CACNA2D1: variants seen among roughly 807,000 people sequenced by gnomAD.
CACNA2D1 encodes the protein calcium voltage-gated channel auxiliary subunit alpha2delta 1.
CACNA2D1 carries 53 observed loss-of-function variants against 171.5 expected under a neutral mutation model. The ratio of observed to expected loss-of-function variants is 0.31; its 90% confidence interval spans 0.25 to 0.39. The LOEUF (loss-of-function observed/expected upper bound fraction) is 0.39. Ranked by LOEUF, CACNA2D1 falls within the 10% of genes least tolerant of loss-of-function variation. CACNA2D1 has a pLI of 1.00. For missense variants in CACNA2D1, 903 were observed against 1,299.8 expected, an observed-to-expected ratio of 0.69 and a Z score of 4.69; for synonymous variants, 442 against 443.1, an observed-to-expected ratio of 1.00 and a Z score of 0.03.
chr7:82,431,406 T>C (rs1390183230), intron 1 of CACNA2D1, among the ~76,000 whole-genome samples: 1 of 152,120 alleles, frequency 6.6e-6, no homozygotes, highest in Non-Finnish European at 1.5e-5. Context: ...CACGATAACA[T>C]TGGATGCAGG....
chr7:82,351,312 T>C (rs1204582744), intron 1 of CACNA2D1, among the ~76,000 whole-genome samples: 1 of 151,352 alleles, frequency 6.6e-6, no homozygotes, highest in African/African-American at 2.4e-5. Context: ...AATTTAAATA[T>C]AACAAAATAT....
chr7:82,069,420 T>A (rs549478626), intron 7 of CACNA2D1, among the ~76,000 whole-genome samples: 1 of 152,192 alleles, frequency 6.6e-6, no homozygotes, highest in African/African-American at 2.4e-5. Flanking sequence ...TGTAGACGTC[T>A]CTTTTTTGAA....
At chr7:82,093,668 T>TC (rs1319398093) in intron 6 of CACNA2D1, among the ~76,000 whole-genome samples, 1 of 152,154 alleles carries the variant, frequency 6.6e-6, no homozygotes, top group African/African-American at 2.4e-5. Context: ...AATGGCATAT[T>TC]CCAAGTGTTC....
At chr7:82,291,496 TTATATATAGATAGATC>T (rs1252936086) in intron 3 of CACNA2D1, among the ~76,000 whole-genome samples, 25 of 136,904 alleles carry the variant, frequency 1.8e-4, no homozygotes, top group Admixed American at 4.7e-4. Context: ...ATATATATTT[TTATATATAGATAGATC>T]TATATATAGA....
At chr7:82,101,445 AT>A (rs1329065523) in intron 6 of CACNA2D1, among the ~76,000 whole-genome samples, 2 of 152,212 alleles carry the variant, frequency 1.3e-5, no homozygotes, top group Non-Finnish European at 2.9e-5. Flanking sequence ...TACATGACAG[AT>A]GGAAGTAATA....
chr7:82,265,952 G>A (rs569737488), intron 3 of CACNA2D1, among the ~76,000 whole-genome samples: 5 of 152,088 alleles, frequency 3.3e-5, no homozygotes, highest in South Asian at 2.1e-4. Flanking sequence ...CTCCAACTCC[G>A]TCTGTATGAT....
intron 5 of CACNA2D1, among the ~76,000 whole-genome samples, chr7:82,119,744 C>A (rs1164436141): frequency 6.6e-6 from 1 of 152,148 alleles, no homozygotes; most frequent in African/African-American, 2.4e-5. Flanking sequence ...CATACTATGG[C>A]TACGTTTATG....
At chr7:82,061,926 T>A (rs1193749337) in intron 9 of CACNA2D1, among the ~76,000 whole-genome samples, 1 of 152,050 alleles carries the variant, frequency 6.6e-6, no homozygotes, top group Non-Finnish European at 1.5e-5. Flanking sequence ...TGAAAAGATA[T>A]CTCAAAAGCC....
intron 1 of CACNA2D1, among the ~76,000 whole-genome samples, chr7:82,429,195 A>G (rs187196811): frequency 2.8e-4 from 43 of 152,332 alleles, no homozygotes; most frequent in Admixed American, 4.6e-4. Flanking sequence ...TACATGTAGC[A>G]TATCTGAATC....
At chr7:81,999,131 G>T (rs1584348964) in intron 18 of CACNA2D1, among the ~76,000 whole-genome samples, 1 of 152,088 alleles carries the variant, frequency 6.6e-6, no homozygotes, top group African/African-American at 2.4e-5. Flanking sequence ...GCATGGAGGA[G>T]GCATTATCAG....
chr7:82,319,502 A>G (rs1433083469), intron 3 of CACNA2D1, among the ~76,000 whole-genome samples: 1 of 152,248 alleles, frequency 6.6e-6, no homozygotes, highest in East Asian at 1.9e-4. Flanking sequence ...GCTATTTGAA[A>G]ATCCACATTT....
At chr7:82,085,749 T>C (rs1810398713) in intron 6 of CACNA2D1, among the ~76,000 whole-genome samples, 1 of 151,778 alleles carries the variant, frequency 6.6e-6, no homozygotes, top group African/African-American at 2.4e-5. Context: ...AAGGGCCAGG[T>C]GATTGATTTT....
chr7:82,443,661 C>T lies in CACNA2D1; in HGVS notation c.-202G>A, dbSNP rs1830684911. 72 of 1,283,134 alleles carry T rather than the reference C, an allele frequency of 5.6e-5. No individual in the cohort carries two copies. The highest frequency in any genetic ancestry group is 6.8e-5 in the Non-Finnish European group (70 of 1,022,982). 79.5% of individuals were successfully genotyped at this position (1,283,134 alleles called of 1,614,324 possible). The stretch of plus-strand genomic sequence containing the variant: ...ACGCCGAGGAAGGGGCGGTGGCGGG[C>T]GGACCCACTAGCGTGCGTCGGCTGC... On this transcript the variant is annotated 5_prime_UTR_variant, in exon 1 of 39. Coordinates refer to ENST00000356860, the MANE Select transcript of CACNA2D1 (RefSeq NM_000722.4).
chr7:82,343,829 G>A (rs926579522), intron 2 of CACNA2D1, among the ~76,000 whole-genome samples: 2 of 152,172 alleles, frequency 1.3e-5, no homozygotes, highest in Non-Finnish European at 2.9e-5. Context: ...CATAGGCTGA[G>A]TGAGCTGCCT....
At chr7:81,955,266 C>T (rs1434208858) in intron 38 of CACNA2D1, among the ~76,000 whole-genome samples, 1 of 152,026 alleles carries the variant, frequency 6.6e-6, no homozygotes, top group Non-Finnish European at 1.5e-5. Context: ...TACCATTCTA[C>T]CTTGCTTGTG....
intron 1 of CACNA2D1, among the ~76,000 whole-genome samples, chr7:82,373,064 G>A (rs1322134677): frequency 6.6e-6 from 1 of 152,034 alleles, no homozygotes; most frequent in Non-Finnish European, 1.5e-5. Flanking sequence ...CACGCCTGTA[G>A]TCCCAGCTAC....
At chr7:81,962,291 G>T in intron 35 of CACNA2D1, 149 bp downstream of exon 35, 1 of 721,614 alleles carries the variant, frequency 1.4e-6, no homozygotes, top group Non-Finnish European at 2.4e-6. Context: ...AGGAAAGGTT[G>T]GACAAAAAGT....
chr7:82,006,509 T>C (rs534943367), intron 16 of CACNA2D1, among the ~76,000 whole-genome samples: 26 of 152,234 alleles, frequency 1.7e-4, no homozygotes, highest in African/African-American at 5.3e-4. Context: ...AAAATTGTTG[T>C]TTCAAATGGA....
intron 3 of CACNA2D1, among the ~76,000 whole-genome samples, chr7:82,216,026 T>C (rs10226076): frequency 0.11 from 16,244 of 152,146 alleles, 1,396 homozygotes; most frequent in African/African-American, 0.24. Flanking sequence ...AAAATCATTT[T>C]GCCTCTAACT....
Sources: allele counts gnomAD v4.1 joint callset (sites outside exome capture counted in the v4.1 genomes callset), GRCh38; gene constraint gnomAD v4.1.1; transcripts MANE v1.5; gene names NCBI Gene and HGNC (gene_info 2026-07-23, HGNC 2026-07-21).